Variants in C12orf42 observed in about 807,000 individuals in gnomAD.
C12orf42 encodes chromosome 12 open reading frame 42.
In C12orf42, 25 loss-of-function variants were observed where a neutral mutation model predicts 21.6. That is an observed-to-expected ratio of 1.16 (90% CI 0.84 to 1.62). The LOEUF (loss-of-function observed/expected upper bound fraction) is 1.62. C12orf42 is among the 40% of genes most tolerant of loss of function. The probability of loss-of-function intolerance (pLI) is 0.00; values close to 1 mark genes in which losing one functional copy is unlikely to be tolerated. For synonymous variants in C12orf42, 174 were observed against 175.0 expected, an observed-to-expected ratio of 0.99 and a Z score of 0.05; for missense variants, 483 against 459.3, an observed-to-expected ratio of 1.05 and a Z score of -0.47.
intron 4 of C12orf42, among the ~76,000 whole-genome samples, chr12:103,363,448 G>C (rs757736199): frequency 1.3e-5 from 2 of 151,814 alleles, no homozygotes; most frequent in African/African-American, 2.4e-5. Flanking sequence ...AAAGACCAAG[G>C]TATACAGGCA....
At chr12:103,158,599 G>T in the C12orf42 span, among the ~76,000 whole-genome samples, 1 of 152,126 alleles carries the variant, frequency 6.6e-6, no homozygotes, top group Non-Finnish European at 1.5e-5. Flanking sequence ...ATGGATTGAT[G>T]GCTAGGTGTG....
At chr12:103,473,577 C>CT (rs1953793638) in intron 2 of C12orf42, among the ~76,000 whole-genome samples, 1 of 152,190 alleles carries the variant, frequency 6.6e-6, no homozygotes, top group African/African-American at 2.4e-5. Flanking sequence ...GTCCAATGCT[C>CT]TTTCCCAAGT....
chr12:103,264,467 T>C (rs1234285547), downstream of C12orf42, among the ~76,000 whole-genome samples: 18 of 152,246 alleles, frequency 1.2e-4, no homozygotes, highest in Non-Finnish European at 1.5e-5. Flanking sequence ...AAGACCCCTA[T>C]GGACCTTGGC....
At chr12:103,403,842 G>T (rs890662327) in intron 2 of C12orf42, among the ~76,000 whole-genome samples, 1 of 152,182 alleles carries the variant, frequency 6.6e-6, no homozygotes, top group Non-Finnish European at 1.5e-5. Context: ...TCAGCACGAA[G>T]CACTGAATGC....
At chr12:103,532,923 G>A in the C12orf42 span, among the ~76,000 whole-genome samples, 4 of 152,190 alleles carry the variant, frequency 2.6e-5, no homozygotes, top group Admixed American at 1.3e-4. Flanking sequence ...CACAGGCAAG[G>A]TGAAGCGCGG....
intron 4 of C12orf42, among the ~76,000 whole-genome samples, chr12:103,355,875 T>A (rs4077792): frequency 6.6e-6 from 1 of 152,016 alleles, no homozygotes; most frequent in African/African-American, 2.4e-5. Flanking sequence ...ATCCTTTGAA[T>A]GCAGTAAAAA....
the C12orf42 span, among the ~76,000 whole-genome samples, chr12:103,071,097 T>C: frequency 2.0e-5 from 3 of 152,122 alleles, no homozygotes; most frequent in Non-Finnish European, 4.4e-5. Context: ...AATAGCTCCA[T>C]GGTTACCCAA....
the C12orf42 span, among the ~76,000 whole-genome samples, chr12:103,199,721 C>T: frequency 6.6e-6 from 1 of 152,112 alleles, no homozygotes; most frequent in Non-Finnish European, 1.5e-5. Flanking sequence ...AAAAGTTGCT[C>T]AGAATCAGTA....
At chr12:103,142,519 T>G in the C12orf42 span, among the ~76,000 whole-genome samples, 1 of 152,186 alleles carries the variant, frequency 6.6e-6, no homozygotes, top group Non-Finnish European at 1.5e-5. Flanking sequence ...ATAACTAAAT[T>G]TGGTAGACTT....
At chr12:103,521,244 T>C in the C12orf42 span, among the ~76,000 whole-genome samples, 2 of 152,096 alleles carry the variant, frequency 1.3e-5, no homozygotes, top group Admixed American at 1.3e-4. Context: ...AAAACAAACT[T>C]AACCAATCAT....
downstream of C12orf42, among the ~76,000 whole-genome samples, chr12:103,267,311 C>A (rs1415989972): frequency 2.0e-5 from 3 of 151,976 alleles, no homozygotes; most frequent in East Asian, 5.8e-4. Flanking sequence ...AAAGAGAGAC[C>A]CTACATATCC....
the C12orf42 span, among the ~76,000 whole-genome samples, chr12:103,515,232 T>C: frequency 1.3e-5 from 2 of 152,230 alleles, no homozygotes; most frequent in East Asian, 1.9e-4. Flanking sequence ...GTCTTCCTTT[T>C]TGGCTAATCA....
chr12:103,180,615 CTTTTTTTTTTTT>C, the C12orf42 span, among the ~76,000 whole-genome samples: 20 of 61,964 alleles, frequency 3.2e-4, no homozygotes, highest in African/African-American at 6.6e-4. Context: ...AAATAATTTC[CTTTTTTTTTTTT>C]TTTTTTTTTT....
chr12:103,379,770 T>C (rs1183666483), intron 3 of C12orf42, among the ~76,000 whole-genome samples: 1 of 152,246 alleles, frequency 6.6e-6, no homozygotes, highest in Non-Finnish European at 1.5e-5. Context: ...TTATTTATAA[T>C]AAAGTTAAGC....
intron 4 of C12orf42, among the ~76,000 whole-genome samples, chr12:103,368,306 G>GTC (rs34930196): frequency 0.24 from 35,239 of 147,078 alleles, 4,265 homozygotes; most frequent in South Asian, 0.43. Flanking sequence ...CTCTCTTTCT[G>GTC]TCTCTCTCTC....
Position 103,368,794 on chromosome 12 carries a change from G to C in C12orf42, c.259+93C>G, listed in dbSNP as rs530890536. The C allele has an allele frequency of 1.1e-5, 7 of 653,924 alleles. No homozygotes were observed. In the South Asian group the frequency reaches 1.5e-4, roughly 14 times the overall value. 40.5% of individuals were successfully genotyped at this position (653,924 alleles called of 1,614,324 possible). ...TGCCATTTTGAAACATAGCACAACT[G>C]TTCTTCAATACAATCTTTATGATTA... On this transcript the variant is annotated intron_variant, in intron 4 of 5. Coordinates refer to ENST00000548883, the MANE Select transcript of C12orf42 (RefSeq NM_198521.5).
chr12:103,446,881 A>G (rs1004834153), intron 2 of C12orf42, among the ~76,000 whole-genome samples: 1 of 152,056 alleles, frequency 6.6e-6, no homozygotes, highest in African/African-American at 2.4e-5. Context: ...ACTAGGCCTA[A>G]GAAATGAGAT....
chr12:103,239,540 A>C lies in C12orf42; in HGVS notation c.*1367-1638T>G, dbSNP rs550146822. Among the ~76,000 whole-genome samples the C allele has an allele frequency of 2.0e-4, 31 of 152,242 alleles. 2 individuals carry two copies. The highest frequency in any genetic ancestry group is 8.5e-4 in the Admixed American group (13 of 15,286). ...GTCAACCCGCTCCTTCAGCTATATT[A>C]CTAGCTAGAAAATTCCCTTCGTGTT... On this transcript the variant is annotated intron_variant and NMD_transcript_variant, in intron 10 of 10. Transcript: ENST00000547347.
chr12:103,176,720 A>T, the C12orf42 span, among the ~76,000 whole-genome samples: 1 of 152,178 alleles, frequency 6.6e-6, no homozygotes, highest in East Asian at 1.9e-4. Context: ...TGGCTCTAGG[A>T]TCTGTGCTCT....
Sources: gnomAD v4.1 joint callset for allele counts (sites outside exome capture counted in the v4.1 genomes callset) on GRCh38, gnomAD v4.1.1 for gene constraint, MANE v1.5 for transcripts, NCBI Gene and HGNC (gene_info 2026-07-23, HGNC 2026-07-21) for gene names.